Variants in CELF4 observed in about 807,000 individuals in gnomAD.
CELF4 encodes CUGBP Elav-like family member 4.
CELF4 carries 18 observed loss-of-function variants against 59.9 expected under a neutral mutation model. The observed-to-expected ratio is 0.30, with a 90% CI of 0.21 to 0.45. CELF4 has a LOEUF of 0.45. CELF4 is among the 20% of genes least tolerant of loss of function. The pLI is 1.00. For synonymous variants in CELF4, 261 were observed against 267.1 expected, an observed-to-expected ratio of 0.98 and a Z score of 0.22; for missense variants, 456 against 689.0, an observed-to-expected ratio of 0.66 and a Z score of 3.79.
At chr18:37,446,339 G>A (rs1311088074) in intron 2 of CELF4, among the ~76,000 whole-genome samples, 1 of 152,166 alleles carries the variant, frequency 6.6e-6, no homozygotes, top group Non-Finnish European at 1.5e-5. Context: ...CAGCCTGGAG[G>A]GGTCGAGCCA....
At chr18:37,268,237 T>C (rs1178305316) in intron 8 of CELF4, among the ~76,000 whole-genome samples, 1 of 152,128 alleles carries the variant, frequency 6.6e-6, no homozygotes, top group Non-Finnish European at 1.5e-5. Flanking sequence ...TGCCTGGGGC[T>C]GTCCCAGTCC....
chr18:37,252,907 C>G (rs1205662658), intron 12 of CELF4, among the ~76,000 whole-genome samples: 1 of 151,778 alleles, frequency 6.6e-6, no homozygotes, highest in South Asian at 2.1e-4. Flanking sequence ...TGGAAAGGCC[C>G]GAAAGGAGCC....
chr18:37,293,700 G>A (rs1286975946), intron 3 of CELF4, among the ~76,000 whole-genome samples: 2 of 152,150 alleles, frequency 1.3e-5, no homozygotes, highest in Non-Finnish European at 2.9e-5. Context: ...ACTTCCAGGT[G>A]AGTCGCCTAG....
intron 3 of CELF4, among the ~76,000 whole-genome samples, chr18:37,286,324 T>C (rs2094761368): frequency 6.6e-6 from 1 of 152,194 alleles, no homozygotes. Context: ...AGCTGCACAG[T>C]GATAAGGCTG....
At chr18:37,427,978 T>C (rs2099624611) in intron 2 of CELF4, among the ~76,000 whole-genome samples, 1 of 152,228 alleles carries the variant, frequency 6.6e-6, no homozygotes. Flanking sequence ...TATGTGTGCG[T>C]GCATGTGCAC....
intron 2 of CELF4, among the ~76,000 whole-genome samples, chr18:37,386,340 G>A (rs989449259): frequency 2.0e-5 from 3 of 152,244 alleles, no homozygotes; most frequent in Non-Finnish European, 2.9e-5. Context: ...AGGTAAGTAA[G>A]GAGGAAATAA....
At chr18:37,529,343 C>T (rs2099967057) in intron 1 of CELF4, among the ~76,000 whole-genome samples, 1 of 152,196 alleles carries the variant, frequency 6.6e-6, no homozygotes, top group South Asian at 2.1e-4. Flanking sequence ...GGCACACTAT[C>T]TGTCCAGTGC....
At chr18:37,334,110 T>C (rs1434308177) in intron 2 of CELF4, among the ~76,000 whole-genome samples, 1 of 152,194 alleles carries the variant, frequency 6.6e-6, no homozygotes, top group African/African-American at 2.4e-5. Flanking sequence ...ACGTATAGTG[T>C]TGGAGTTAGG....
chr18:37,447,889 C>T (rs1008090452), intron 2 of CELF4, among the ~76,000 whole-genome samples: 35 of 152,164 alleles, frequency 2.3e-4, no homozygotes, highest in African/African-American at 8.2e-4. Flanking sequence ...GCCAGATGGC[C>T]AGCACCACTG....
At chr18:37,532,229 G>A (rs891712197) in intron 1 of CELF4, among the ~76,000 whole-genome samples, 2 of 152,218 alleles carry the variant, frequency 1.3e-5, no homozygotes, top group Non-Finnish European at 2.9e-5. Context: ...AGGACACCCC[G>A]TGCAGCAGCT....
intron 2 of CELF4, among the ~76,000 whole-genome samples, chr18:37,331,977 C>T (rs1387653205): frequency 6.6e-6 from 1 of 152,110 alleles, no homozygotes; most frequent in Non-Finnish European, 1.5e-5. Flanking sequence ...GCATTGCACA[C>T]TAGGACTGCA....
At chr18:37,292,808 CTT>C (rs2095422480) in intron 3 of CELF4, among the ~76,000 whole-genome samples, 1 of 152,312 alleles carries the variant, frequency 6.6e-6, no homozygotes, top group East Asian at 1.9e-4. Context: ...TTTCTGGACA[CTT>C]TTATAAATTT....
chr18:37,422,964 C>T (rs1033761343), intron 2 of CELF4, among the ~76,000 whole-genome samples: 2 of 152,204 alleles, frequency 1.3e-5, no homozygotes, highest in African/African-American at 4.8e-5. Context: ...ATTTCCAAAG[C>T]CACTTTCTCT....
chr18:37,273,950 T>C (rs2092434330), intron 6 of CELF4: 1 of 1,101,294 alleles, frequency 9.1e-7, no homozygotes, highest in South Asian at 2.6e-5. Flanking sequence ...GGAGTAGGGG[T>C]GGTTTGCAAC....
chr18:37,476,528 T>C (rs1461302802), intron 2 of CELF4, among the ~76,000 whole-genome samples: 3 of 152,238 alleles, frequency 2.0e-5, no homozygotes, highest in Non-Finnish European at 4.4e-5. Flanking sequence ...GCCGTTTTCA[T>C]GAGGAATTAA....
Position 37,245,016 on chromosome 18 carries a change from C to G in CELF4, c.*226G>C, listed in dbSNP as rs1338933943. ...ATATATTTTCCCCCAAACACGTGCC[C>G]TCTGAACTCCATAGACGCTATACTT... is the stretch of plus-strand genomic sequence containing the variant. On this transcript the variant is annotated 3_prime_UTR_variant, in exon 13 of 13. Transcript: ENST00000420428. This position sits in a 1 kb window ranked among gnomAD's most constrained non-coding sequence, Gnocchi z 4.1. 6.6e-6 allele frequency: 1 copy of G among 152,552 alleles called. No homozygotes were observed. The highest frequency in any genetic ancestry group is 1.5e-5 in the Non-Finnish European group (1 of 68,050). 9.4% of individuals were successfully genotyped at this position (152,552 alleles called of 1,614,324 possible). A position where few individuals can be genotyped will look rare whatever the true frequency, so the allele number is the denominator to read the frequency against.
In CELF4 at chr18:37,315,625, G is replaced by T. The variant is rs2096840377; in HGVS notation, c.448+6178C>A. Among the ~76,000 whole-genome samples, 3 of 152,268 alleles carry T rather than the reference G, an allele frequency of 2.0e-5. No individual in the cohort carries two copies. The South Asian group carries it at 6.2e-4, about 32-fold the overall frequency. On this transcript the variant is annotated intron_variant, in intron 3 of 12. Coordinates refer to ENST00000420428, the MANE Select transcript of CELF4 (RefSeq NM_020180.4). ...TGCTGTCACACAGTTTTCCCATGGA[G>T]CACCCCCCAGTGTGCCATGCACTCA...
At chr18:37,413,245 T>C (rs2099490887) in intron 2 of CELF4, among the ~76,000 whole-genome samples, 1 of 152,236 alleles carries the variant, frequency 6.6e-6, no homozygotes, top group Admixed American at 6.5e-5. Flanking sequence ...TGTGTCTGCG[T>C]GTGTTCACGT....
intron 2 of CELF4, among the ~76,000 whole-genome samples, chr18:37,465,888 G>A (rs1301169781): frequency 6.6e-6 from 1 of 152,172 alleles, no homozygotes; most frequent in Non-Finnish European, 1.5e-5. Flanking sequence ...GGAAGGAAAA[G>A]AGAGCTCAGT....
Sources: gnomAD v4.1 joint callset for allele counts (sites outside exome capture counted in the v4.1 genomes callset) on GRCh38, gnomAD v4.1.1 for gene constraint, Gnocchi (gnomAD v3.1) non-coding constraint, MANE v1.5 for transcripts, NCBI Gene and HGNC (gene_info 2026-07-23, HGNC 2026-07-21) for gene names.